Variants in CFAP44 observed in about 807,000 individuals in gnomAD.
CFAP44 encodes the protein cilia and flagella associated protein 44.
CFAP44 carries 134 observed loss-of-function variants against 216.2 expected under a neutral mutation model. The observed-to-expected ratio is 0.62, with a 90% confidence interval of 0.54 to 0.72. The LOEUF is 0.72. Ranked by LOEUF, CFAP44 falls within the 30% of genes least tolerant of loss-of-function variation. CFAP44 has a pLI of 0.00. For missense variants in CFAP44, 2,035 were observed against 2,182.1 expected (o/e 0.93, Z 1.34); for synonymous variants, 700 against 727.6 (o/e 0.96, Z 0.61).
In CFAP44 at chr3:113,379,488, T is replaced by C. The variant is rs1933447497; in HGVS notation, c.2116A>G (p.Arg706Gly). 1.9e-6 allele frequency: 3 copies of C among 1,608,830 alleles called. No individual in the cohort carries two copies. Among genetic ancestry groups the C allele is most frequent in the Admixed American group, 3.3e-5 (2 of 59,976 alleles). Residue 706 changes from arginine (R) to glycine (G), a missense_variant, in exon 17 of 35, where the codon AGG becomes GGG. Transcript: ENST00000393845. ...ATCTCTGCTGCTAGCTTGTTCCTCC[T>C]TTCTTCCCTTATTTTCTCCTTCAAC... ...RELKEKIREE[R>G]RNKLAAEMGE...
chr3:113,345,342 C>T (rs1320131709), intron 22 of CFAP44, among the ~76,000 whole-genome samples: 1 of 151,956 alleles, frequency 6.6e-6, no homozygotes, highest in Non-Finnish European at 1.5e-5. Context: ...CTTCACCTCA[C>T]AAAATGTTTT....
chr3:113,406,842 C>G, intron 8 of CFAP44, 85 bp downstream of exon 8: 3 of 821,250 alleles, frequency 3.7e-6, no homozygotes, highest in Non-Finnish European at 5.9e-6. Context: ...ATTGGCAGAG[C>G]TTGTTAGAAT....
At chr3:113,413,924 G>T (rs1302000834) in intron 6 of CFAP44, among the ~76,000 whole-genome samples, 1 of 152,172 alleles carries the variant, frequency 6.6e-6, no homozygotes, top group Non-Finnish European at 1.5e-5. Context: ...GATGGGAATA[G>T]CATTGAATCT....
intron 4 of CFAP44, among the ~76,000 whole-genome samples, chr3:113,421,252 C>G (rs1038190119): frequency 1.3e-5 from 2 of 152,204 alleles, no homozygotes; most frequent in Non-Finnish European, 2.9e-5. Flanking sequence ...CTCCACATCA[C>G]TAATCATCAG....
Position 113,326,604 on chromosome 3 carries a change from T to C in CFAP44, c.4357A>G (p.Lys1453Glu), listed in dbSNP as rs1248998914. 6.6e-7 allele frequency: 1 copy of C among 1,518,870 alleles called. No individual in the cohort carries two copies. Among genetic ancestry groups the C allele is most frequent in the Non-Finnish European group, 8.8e-7 (1 of 1,141,800 alleles). The allele number at this position is 1,518,870 out of a possible 1,614,324, so 94.1% of individuals were successfully genotyped here. The change falls in exon 28 of 35, where the codon AAA becomes GAA. Residue 1453 changes from lysine to glutamate, a missense_variant. Around this residue, in one of 3 missense-constraint regions of CFAP44, gnomAD observed 1,883 missense variants for 2,023.7 expected, o/e 0.93. Transcript: ENST00000393845. ...TGGAGTTTGGTGATTTCATTCTTTT[T>C]CTCTTCCATCTCTTTAAGAGTTTCA... Reference protein sequence around the residue: ...INETLKEMEEKKNEITKLQEQ... With the variant: ...INETLKEMEEEKNEITKLQEQ...
intron 26 of CFAP44, among the ~76,000 whole-genome samples, chr3:113,329,421 G>C (rs910140702): frequency 6.6e-6 from 1 of 152,152 alleles, no homozygotes; most frequent in African/African-American, 2.4e-5. Context: ...GGAGGAAAAG[G>C]TGGAGTGGAG....
chr3:113,426,087 A>G, intron 4 of CFAP44, 37 bp downstream of exon 4: 1 of 1,600,800 alleles, frequency 6.2e-7, no homozygotes, highest in Non-Finnish European at 8.5e-7. Flanking sequence ...AAGAAATGAA[A>G]ATCCCAAAAT....
At position 113,409,102 on chromosome 3, in the gene CFAP44, C is replaced by T. The variant is rs1217257482; in HGVS notation, c.890+4G>A. 1 of 1,606,844 alleles carries T rather than the reference C, an allele frequency of 6.2e-7. No individual in the cohort carries two copies. Among genetic ancestry groups the T allele is most frequent in the Non-Finnish European group, 8.5e-7 (1 of 1,175,920 alleles). ...CTGGCACCTCTATTGGTTACCCAAC[C>T]TACTTGATGTGGCCTGATCCCGATG... On this transcript the variant is annotated splice_donor_region_variant and intron_variant, in intron 7 of 34. Transcript: ENST00000393845.
intron 32 of CFAP44, among the ~76,000 whole-genome samples, chr3:113,301,652 A>C (rs1949937025): frequency 6.6e-6 from 1 of 152,240 alleles, no homozygotes; most frequent in African/African-American, 2.4e-5. Context: ...AAATGGACAA[A>C]AATTGTATAT....
rs2107782235 is a variant in CFAP44 at position 113,289,483 on chromosome 3, A to T, written c.*2074T>A. ...CCAATCCTTCATTTGTCAGATAATAAAATGAGGCCCAGGAAGATAACGTAA... is the reference window on the plus strand; with the variant it reads ...CCAATCCTTCATTTGTCAGATAATATAATGAGGCCCAGGAAGATAACGTAA... On this transcript the variant is annotated 3_prime_UTR_variant, in exon 35 of 35. Transcript: ENST00000393845. 6.6e-6 allele frequency: 1 copy of T among 152,350 alleles called. No individual in the cohort carries two copies. The highest frequency in any genetic ancestry group is 2.4e-5 in the African/African-American group (1 of 41,584). 9.4% of individuals were successfully genotyped at this position (152,350 alleles called of 1,614,324 possible).
chr3:113,321,801 G>A (rs1186796967), intron 28 of CFAP44, among the ~76,000 whole-genome samples: 1 of 152,078 alleles, frequency 6.6e-6, no homozygotes, highest in Non-Finnish European at 1.5e-5. Context: ...TGGGAACATA[G>A]CTAATCAAAG....
At chr3:113,310,013 C>G (rs1488788254) in intron 28 of CFAP44, among the ~76,000 whole-genome samples, 1 of 152,188 alleles carries the variant, frequency 6.6e-6, no homozygotes, top group Admixed American at 6.5e-5. Context: ...GGTACAATCC[C>G]CAACTAAATC....
At position 113,291,512 on chromosome 3, in the gene CFAP44, T is replaced by C; in HGVS notation, c.*45A>G. On this transcript the variant is annotated 3_prime_UTR_variant, in exon 35 of 35. Transcript: ENST00000393845. The stretch of plus-strand genomic sequence containing the variant: ...GGTGATGAGGAGACAGAACTTCCAG[T>C]GAGTTATGTCAGAAATCTTGTATGG... The C allele has an allele frequency of 6.6e-7, 1 of 1,515,568 alleles. No individual in the cohort carries two copies. The highest frequency in any genetic ancestry group is 1.4e-5 in the African/African-American group (1 of 72,564). 93.9% of individuals were successfully genotyped at this position (1,515,568 alleles called of 1,614,324 possible).
chr3:113,294,723 T>C lies in CFAP44; in HGVS notation c.5337A>G (p.Lys1779=), dbSNP rs1264060987. ...QMNDLCIEKK[K]LDSRLNTLQN... The stretch of plus-strand genomic sequence containing the variant: ...GTAGTGTATTCAACCGAGAATCAAG[T>C]TTCTTCTTTTCAATACACAAATCAT... Residue 1779 remains lysine (K), a synonymous_variant, in exon 34 of 35, where the codon AAA becomes AAG. Transcript: ENST00000393845. The C allele has an allele frequency of 5.2e-6, 8 of 1,536,058 alleles. No individual in the cohort carries two copies. Among genetic ancestry groups the C allele is most frequent in the Non-Finnish European group, 6.1e-6 (7 of 1,146,478 alleles).
In CFAP44 at chr3:113,370,964, T is replaced by G. The variant is rs189629378; in HGVS notation, c.2444+2447A>C. Among the ~76,000 whole-genome samples, 557 of 152,084 alleles carry G rather than the reference T, an allele frequency of 3.7e-3. 3 individuals carry two copies. Among genetic ancestry groups the G allele is most frequent in the African/African-American group, 0.013 (519 of 41,478 alleles). On this transcript the variant is annotated intron_variant, in intron 18 of 34. Coordinates refer to ENST00000393845, the MANE Select transcript of CFAP44 (RefSeq NM_001164496.2). Reference sequence around the variant, plus strand: ...GACAAAGAGAAAGCCAAATCATGAGTGAACTCCCATTCACAATTGGTACTA... The same window carrying G: ...GACAAAGAGAAAGCCAAATCATGAGGGAACTCCCATTCACAATTGGTACTA...
In CFAP44 at chr3:113,289,421, A is replaced by G. The variant is rs1247461117; in HGVS notation, c.*2136T>C. 6.6e-6 allele frequency: 1 copy of G among 152,198 alleles called. No individual in the cohort carries two copies. Among genetic ancestry groups the G allele is most frequent in the Non-Finnish European group, 1.5e-5 (1 of 68,038 alleles). The allele number at this position is 152,198 out of a possible 1,614,324, so 9.4% of individuals were successfully genotyped here. A position where few individuals can be genotyped will look rare whatever the true frequency, so the allele number is the denominator to read the frequency against. On this transcript the variant is annotated 3_prime_UTR_variant, in exon 35 of 35. Coordinates refer to ENST00000393845, the MANE Select transcript of CFAP44 (RefSeq NM_001164496.2). The stretch of plus-strand genomic sequence containing the variant: ...CTGTAGGTCCATTCTTGCTGCAATC[A>G]GAATCAGAATCTCAGAATGGGAAGG...
At chr3:113,309,247 C>T (rs1382392330) in intron 28 of CFAP44, among the ~76,000 whole-genome samples, 1 of 152,218 alleles carries the variant, frequency 6.6e-6, no homozygotes, top group Admixed American at 6.5e-5. Flanking sequence ...TTCCTCATCA[C>T]TCCACCTGTA....
intron 18 of CFAP44, among the ~76,000 whole-genome samples, chr3:113,372,106 T>C (rs1933185853): frequency 1.3e-5 from 2 of 152,086 alleles, no homozygotes; most frequent in Non-Finnish European, 2.9e-5. Flanking sequence ...TGTGGAGAAA[T>C]AGGAATGCTT....
At chr3:113,305,958 A>AT (rs1415475550) in intron 30 of CFAP44, among the ~76,000 whole-genome samples, 2 of 151,914 alleles carry the variant, frequency 1.3e-5, no homozygotes, top group African/African-American at 2.4e-5. Flanking sequence ...CTCCATTTTC[A>AT]TTTTTTTTAC....
Sources: allele counts gnomAD v4.1 joint callset (sites outside exome capture counted in the v4.1 genomes callset), GRCh38; gene constraint gnomAD v4.1.1; regional missense constraint gnomAD v4.1.1; transcripts MANE v1.5; gene names NCBI Gene and HGNC (gene_info 2026-07-23, HGNC 2026-07-21).